Variants in PCNT observed in about 807,000 individuals in gnomAD.
PCNT encodes kendrin.
A neutral mutation model predicts 380.4 loss-of-function variants in PCNT; 319 were observed. That is an observed-to-expected ratio of 0.84 (90% CI 0.77 to 0.92). The LOEUF is 0.92. PCNT is among the 40% of genes least tolerant of loss of function. The probability of loss-of-function intolerance (pLI) is 0.00; values close to 1 mark genes in which losing one functional copy is unlikely to be tolerated. For synonymous variants in PCNT, 1,845 were observed against 1,735.2 expected, an observed-to-expected ratio of 1.06 and a Z score of -1.57; for missense variants, 4,400 against 4,255.3, an observed-to-expected ratio of 1.03 and a Z score of -0.95.
chr21:46,425,850 G>C lies in PCNT; in HGVS notation c.7199G>C (p.Arg2400Pro). The C allele has an allele frequency of 2.5e-6, 4 of 1,613,678 alleles. No homozygotes were observed. Among genetic ancestry groups the C allele is most frequent in the Non-Finnish European group, 2.5e-6 (3 of 1,180,018 alleles). ...CCACAGGCTTTACTGCAGATGGTGCGTGACGAGAGCCACCAGATCCTGGCG... is the reference window on the plus strand; with the variant it reads ...CCACAGGCTTTACTGCAGATGGTGCCTGACGAGAGCCACCAGATCCTGGCG... ...KHVKALLQMVRDESHQILALS... is the reference protein window; with the variant it reads ...KHVKALLQMVPDESHQILALS... The change falls in exon 33 of 47, where the codon CGT becomes CCT. Residue 2400 changes from arginine to proline, a missense_variant. By Grantham distance (103) the Arg-to-Pro change is moderately radical (BLOSUM62 -2). Transcript: ENST00000359568. The surrounding 1 kb of genome is among the most constrained non-coding windows in gnomAD (Gnocchi z 4.2).
In PCNT at chr21:46,443,957, G is replaced by A; in HGVS notation, c.9839+9G>A. The A allele has an allele frequency of 1.9e-6, 3 of 1,611,410 alleles. No individual in the cohort carries two copies. The South Asian group carries it at 3.3e-5, about 18-fold the overall frequency. ...CCACACAGTGGGGGAAGGTCAGTGT[G>A]ATGCCTTCAGGCCCCGTCTCCTGCC... On this transcript the variant is annotated intron_variant, in intron 45 of 46. Coordinates refer to ENST00000359568, the MANE Select transcript of PCNT (RefSeq NM_006031.6).
At chr21:46,347,707 G>T (rs1269845403) in intron 6 of PCNT, among the ~76,000 whole-genome samples, 195 bp downstream of exon 6, 1 of 152,170 alleles carries the variant, frequency 6.6e-6, no homozygotes, top group Non-Finnish European at 1.5e-5. Context: ...TTGTTTTGTT[G>T]TTTCACATTG....
intron 19 of PCNT, 137 bp from the exon 20 acceptor site, chr21:46,390,533 C>A: frequency 1.1e-6 from 1 of 871,956 alleles, no homozygotes; most frequent in Non-Finnish European, 1.9e-6. Context: ...GTGCTCAGGT[C>A]CCGTCACCCT....
chr21:46,429,305 C>G (rs1194992658), intron 35 of PCNT, among the ~76,000 whole-genome samples: 1 of 92,150 alleles, frequency 1.1e-5, no homozygotes, highest in Non-Finnish European at 2.1e-5. Flanking sequence ...GGTGCCGGCG[C>G]TGTGCGAGCG....
chr21:46,420,378 A>G (rs1010419874), intron 31 of PCNT, among the ~76,000 whole-genome samples: 1 of 151,940 alleles, frequency 6.6e-6, no homozygotes, highest in Non-Finnish European at 1.5e-5. Flanking sequence ...TTTATTTTTC[A>G]ACATTTGTGC....
chr21:46,423,042 G>A (rs1038216668), intron 32 of PCNT, among the ~76,000 whole-genome samples: 2 of 152,250 alleles, frequency 1.3e-5, no homozygotes, highest in East Asian at 1.9e-4. Context: ...GAGCCCAGGA[G>A]TTCAAGACCA....
At chr21:46,393,655 G>C (rs2086112092) in intron 21 of PCNT, among the ~76,000 whole-genome samples, 1 of 152,214 alleles carries the variant, frequency 6.6e-6, no homozygotes, top group Admixed American at 6.5e-5. Context: ...GCATTCTGTT[G>C]AACGGCCCGG....
Position 46,441,046 on chromosome 21 carries a change from G to A in PCNT, c.9585G>A (p.Arg3195=), listed in dbSNP as rs778606282. 6.2e-7 allele frequency: 1 copy of A among 1,614,046 alleles called. No homozygotes were observed. The highest frequency in any genetic ancestry group is 8.5e-7 in the Non-Finnish European group (1 of 1,179,918). The change falls in exon 43 of 47, where the codon AGG becomes AGA. Residue 3195 remains arginine, a synonymous_variant. Coordinates refer to ENST00000359568, the MANE Select transcript of PCNT (RefSeq NM_006031.6). ...ERKITSRPFT[R]FRTAVRVVIA... Reference sequence around the variant, plus strand: ...AAATCACATCTCGTCCTTTCACCAGGTTCCGCACGGCCGTCAGGGTGGTCA... The same window carrying A: ...AAATCACATCTCGTCCTTTCACCAGATTCCGCACGGCCGTCAGGGTGGTCA...
chr21:46,434,737 C>T (rs1321290609), intron 38 of PCNT, among the ~76,000 whole-genome samples: 2 of 152,224 alleles, frequency 1.3e-5, no homozygotes, highest in Admixed American at 1.3e-4. Context: ...CTCAGGCCCA[C>T]GTGGCCACCC....
intron 8 of PCNT, 95 bp from the exon 9 acceptor site, chr21:46,351,334 G>A: frequency 2.5e-6 from 2 of 784,364 alleles, no homozygotes; most frequent in Non-Finnish European, 4.7e-6. Flanking sequence ...TTTACCCTTA[G>A]GATCGCAGTG....
chr21:46,386,900 A>G (rs768044873), intron 17 of PCNT, among the ~76,000 whole-genome samples: 4 of 151,802 alleles, frequency 2.6e-5, no homozygotes, highest in Admixed American at 6.6e-5. Context: ...GGCTGCTCCC[A>G]TTGGCGTGTC....
At chr21:46,384,194 G>A (rs1321014869) in intron 16 of PCNT, among the ~76,000 whole-genome samples, 2 of 139,796 alleles carry the variant, frequency 1.4e-5, no homozygotes, top group South Asian at 2.5e-4. Context: ...ACGGTGTTGT[G>A]CGTTCAGTGG....
chr21:46,326,459 TC>T lies in PCNT; in HGVS notation c.138del (p.Asp47MetfsTer10). Reference protein sequence around the residue: ...KKTAKRKGSAVDASVQEESPV... With the variant: ...KKTAKRKGSAXDASVQEESPV... The stretch of plus-strand genomic sequence containing the variant: ...ACGGCGAAGAGGAAGGGCTCGGCTG[TC>T]GATGCGTCTGTCCAGGAGGAGAGTC... On this transcript the variant is annotated frameshift_variant, in exon 2 of 47. Transcript: ENST00000359568. LOFTEE classifies it high-confidence loss of function. 6.2e-7 allele frequency: 1 copy of T among 1,614,234 alleles called. No individual in the cohort carries two copies. Among genetic ancestry groups the T allele is most frequent in the South Asian group, 1.1e-5 (1 of 91,086 alleles).
chr21:46,440,185 C>T lies in PCNT; in HGVS notation c.9376C>T (p.His3126Tyr). 1 of 1,614,140 alleles carries T rather than the reference C, an allele frequency of 6.2e-7. No individual in the cohort carries two copies. The highest frequency in any genetic ancestry group is 1.1e-5 in the South Asian group (1 of 91,080). ...RLPPAASEEA[H>Y]TSNVKMEKLY... Reference sequence around the variant, plus strand: ...TCCACCAGCTGCCAGCGAGGAAGCACACACCAGCAATGTCAAGGTAGGAAC... The same window carrying T: ...TCCACCAGCTGCCAGCGAGGAAGCATACACCAGCAATGTCAAGGTAGGAAC... The change falls in exon 42 of 47, where the codon CAC becomes TAC. Residue 3126 changes from histidine to tyrosine, a missense_variant. Transcript: ENST00000359568.
chr21:46,384,321 C>T (rs73907474), intron 16 of PCNT, among the ~76,000 whole-genome samples: 18,296 of 144,296 alleles, frequency 0.13, 3,848 homozygotes, highest in African/African-American at 0.41. Context: ...AGCCCATTCA[C>T]GGTGTTGTGC....
In PCNT at chr21:46,360,484, A is replaced by G. The variant is rs185361729; in HGVS notation, c.2155-2996A>G. On this transcript the variant is annotated intron_variant, in intron 13 of 46. Transcript: ENST00000359568. ...GTGATCCGCCTGCCTCGGACTCCCA[A>G]AGTGCTGGGATTACAGGTGTGAGCC... 1.9e-3 allele frequency among the ~76,000 whole-genome samples: 274 copies of G among 146,912 alleles called. 3 individuals carry two copies. Among genetic ancestry groups the G allele is most frequent in the African/African-American group, 6.6e-3 (263 of 39,550 alleles).
At chr21:46,386,871 TC>T (rs1464310219) in intron 17 of PCNT, among the ~76,000 whole-genome samples, 2 of 152,160 alleles carry the variant, frequency 1.3e-5, no homozygotes, top group Non-Finnish European at 2.9e-5. Flanking sequence ...GTCCTCCCCG[TC>T]CCCTTGTGTG....
At chr21:46,417,472 G>A (rs1425358076) in intron 30 of PCNT, among the ~76,000 whole-genome samples, 5 of 152,064 alleles carry the variant, frequency 3.3e-5, no homozygotes, top group East Asian at 1.9e-4. Flanking sequence ...GCTTACAGGC[G>A]TGAGCCACCA....
At chr21:46,334,035 T>C (rs551241708) in intron 2 of PCNT, among the ~76,000 whole-genome samples, 57 of 151,834 alleles carry the variant, frequency 3.8e-4, no homozygotes, top group African/African-American at 1.2e-3. Context: ...TGAAACCCTG[T>C]CTCTACTAAA....
Sources: gnomAD v4.1 joint callset for allele counts (sites outside exome capture counted in the v4.1 genomes callset) on GRCh38, gnomAD v4.1.1 for gene constraint, Gnocchi (gnomAD v3.1) non-coding constraint, MANE v1.5 for transcripts, NCBI Gene and HGNC (gene_info 2026-07-23, HGNC 2026-07-21) for gene names.